CFAP107: variants seen among roughly 807,000 people sequenced by gnomAD.
The protein encoded by CFAP107 is cilia and flagella associated protein 107.
chr1:12,761,543 G>GT, the CFAP107 span: 22,417 of 141,014 alleles, frequency 0.16, 2,875 homozygotes, highest in African/African-American at 0.36. Flanking sequence ...TTTTTTTTTT[G>GT]TTTTTTTTTT....
At chr1:12,752,555 T>TAAA in the CFAP107 span, among the ~76,000 whole-genome samples, 136 of 46,660 alleles carry the variant, frequency 2.9e-3, 4 homozygotes, top group African/African-American at 0.01. Context: ...CGACTCTGTC[T>TAAA]AAAAAAAAAA....
the CFAP107 span, among the ~76,000 whole-genome samples, chr1:12,757,138 A>G: frequency 6.6e-6 from 1 of 152,154 alleles, no homozygotes; most frequent in African/African-American, 2.4e-5. Flanking sequence ...TCAGCCTCTA[A>G]CCATCCATGT....
chr1:12,750,510 T>TGTAA, the CFAP107 span, among the ~76,000 whole-genome samples: 2 of 152,242 alleles, frequency 1.3e-5, no homozygotes, highest in Admixed American at 1.3e-4. Flanking sequence ...GAAGTACACA[T>TGTAA]GTAAGTTGAA....
the CFAP107 span, among the ~76,000 whole-genome samples, chr1:12,748,410 C>CT: frequency 1.9e-3 from 272 of 145,612 alleles, 1 homozygote; most frequent in African/African-American, 6.3e-3. Context: ...AGGGGTGAGA[C>CT]TTTTTTTTGG....
At chr1:12,751,557 G>A in the CFAP107 span, among the ~76,000 whole-genome samples, 1 of 152,214 alleles carries the variant, frequency 6.6e-6, no homozygotes, top group Non-Finnish European at 1.5e-5. Flanking sequence ...AACCTGGGAG[G>A]CGGAGGTTTC....
the CFAP107 span, among the ~76,000 whole-genome samples, chr1:12,748,862 A>G: frequency 6.6e-6 from 1 of 152,250 alleles, no homozygotes; most frequent in Admixed American, 6.5e-5. Context: ...TGAGAATATT[A>G]AAAAGGAGAT....
At chr1:12,759,253 G>A in the CFAP107 span, 15 of 1,582,736 alleles carry the variant, frequency 9.5e-6, no homozygotes, top group Non-Finnish European at 1.3e-5. Context: ...TCTCCACCAT[G>A]GCCAGGTGGA....
chr1:12,748,076 C>T, the CFAP107 span, among the ~76,000 whole-genome samples: 20 of 152,314 alleles, frequency 1.3e-4, 1 homozygote, highest in South Asian at 3.9e-3. Context: ...TCCTCTCCTA[C>T]TACCACCCCA....
the CFAP107 span, chr1:12,762,639 C>G: frequency 1.3e-5 from 2 of 152,376 alleles, no homozygotes; most frequent in Non-Finnish European, 2.9e-5. Context: ...CCTCCAACAT[C>G]CAGCCTTTCT....
At chr1:12,759,242 G>C in the CFAP107 span, 1 of 1,563,398 alleles carries the variant, frequency 6.4e-7, no homozygotes, top group Non-Finnish European at 8.7e-7. Context: ...GGCAGCTCCT[G>C]TCTCCACCAT....
At chr1:12,754,481 A>G in the CFAP107 span, among the ~76,000 whole-genome samples, 2 of 152,366 alleles carry the variant, frequency 1.3e-5, no homozygotes, top group African/African-American at 2.4e-5. Flanking sequence ...TAGAATTACC[A>G]TATGATCCAG....
At chr1:12,761,426 T>C in the CFAP107 span, 3 of 153,334 alleles carry the variant, frequency 2.0e-5, no homozygotes, top group African/African-American at 7.2e-5. Context: ...CCCCAGCTTG[T>C]CTGTCATTGC....
chr1:12,759,950 G>C, the CFAP107 span, among the ~76,000 whole-genome samples: 2 of 152,088 alleles, frequency 1.3e-5, no homozygotes, highest in African/African-American at 2.4e-5. Context: ...TTTTAGACAG[G>C]AGTGTGCGCT....
the CFAP107 span, among the ~76,000 whole-genome samples, chr1:12,758,098 C>T: frequency 6.6e-6 from 1 of 152,162 alleles, no homozygotes; most frequent in South Asian, 2.1e-4. Context: ...AGGCTCTGGG[C>T]CCTGCCCCTC....
the CFAP107 span, chr1:12,762,168 G>A: frequency 6.6e-6 from 1 of 152,232 alleles, no homozygotes; most frequent in African/African-American, 2.4e-5. Context: ...ACCTACCTTA[G>A]GGTCACTTTG....
chr1:12,746,524 A>T, the CFAP107 span: 1 of 1,612,736 alleles, frequency 6.2e-7, no homozygotes, highest in Non-Finnish European at 8.5e-7. Context: ...TGGAAATTGG[A>T]TGGAAGAGAG....
At chr1:12,748,100 T>C in the CFAP107 span, among the ~76,000 whole-genome samples, 1 of 152,222 alleles carries the variant, frequency 6.6e-6, no homozygotes, top group East Asian at 1.9e-4. Flanking sequence ...CAGCACAGCA[T>C]AGTCTGCATT....
At chr1:12,752,009 A>G in the CFAP107 span, among the ~76,000 whole-genome samples, 1 of 152,226 alleles carries the variant, frequency 6.6e-6, no homozygotes, top group African/African-American at 2.4e-5. Flanking sequence ...AAATGACTTC[A>G]GTGGTGAATT....
chr1:12,754,830 G>T, the CFAP107 span, among the ~76,000 whole-genome samples: 1 of 152,212 alleles, frequency 6.6e-6, no homozygotes, highest in Non-Finnish European at 1.5e-5. Flanking sequence ...AGAAAGTAGA[G>T]TGATGGTAGC....
Sources: allele counts gnomAD v4.1 joint callset (sites outside exome capture counted in the v4.1 genomes callset), GRCh38; gene constraint gnomAD v4.1.1; transcripts MANE v1.5; gene names NCBI Gene and HGNC (gene_info 2026-07-23, HGNC 2026-07-21).